The following SGCZ variants were observed in gnomAD, a reference collection of about 807,000 sequenced individuals.
SGCZ encodes zeta-sarcoglycan.
In SGCZ, 40 loss-of-function variants were observed where a neutral mutation model predicts 41.3. That is an observed-to-expected ratio of 0.97 (90% CI 0.75 to 1.26). SGCZ has a LOEUF of 1.26. Among genes scored for constraint, SGCZ ranks in the 50% most tolerant of loss-of-function variants. The pLI is 0.00. For missense variants in SGCZ, 552 were observed against 369.8 expected, an observed-to-expected ratio of 1.49 and a Z score of -4.04; for synonymous variants, 206 against 137.5, an observed-to-expected ratio of 1.50 and a Z score of -3.49.
chr8:15,034,998 T>C (rs533485845), intron 1 of SGCZ, among the ~76,000 whole-genome samples: 4 of 152,106 alleles, frequency 2.6e-5, no homozygotes, highest in African/African-American at 7.2e-5. Flanking sequence ...TAATTAGTAA[T>C]GAAAACACCT....
intron 1 of SGCZ, among the ~76,000 whole-genome samples, chr8:14,976,579 G>A (rs548187478): frequency 1.1e-4 from 17 of 152,168 alleles, no homozygotes; most frequent in African/African-American, 3.4e-4. Flanking sequence ...TAGCTGTGAA[G>A]TTTCTGACAA....
At chr8:14,445,143 T>C (rs533936520) in intron 2 of SGCZ, among the ~76,000 whole-genome samples, 5 of 152,306 alleles carry the variant, frequency 3.3e-5, no homozygotes, top group African/African-American at 1.2e-4. Flanking sequence ...AAGGTGATTA[T>C]ATTAATTGTG....
At chr8:14,527,461 C>A (rs142081229) in intron 2 of SGCZ, among the ~76,000 whole-genome samples, 1 of 152,216 alleles carries the variant, frequency 6.6e-6, no homozygotes, top group African/African-American at 2.4e-5. Context: ...CCACCACACC[C>A]TTGTTAATTT....
chr8:14,926,684 A>G (rs537705363), intron 1 of SGCZ, among the ~76,000 whole-genome samples: 3 of 151,776 alleles, frequency 2.0e-5, no homozygotes, highest in Non-Finnish European at 2.9e-5. Context: ...CTCTGTTGCC[A>G]GACTGGAGTG....
intron 1 of SGCZ, among the ~76,000 whole-genome samples, chr8:14,900,047 C>G (rs1013918317): frequency 1.1e-4 from 17 of 152,018 alleles, no homozygotes; most frequent in African/African-American, 3.4e-4. Flanking sequence ...CTCCAGTGTT[C>G]TGTGGAAGTT....
intron 2 of SGCZ, among the ~76,000 whole-genome samples, chr8:14,331,033 A>T (rs930330983): frequency 2.0e-5 from 3 of 151,940 alleles, no homozygotes; most frequent in Admixed American, 6.6e-5. Flanking sequence ...GAAGGTAGAT[A>T]CATGTGTTTT....
chr8:14,587,279 G>GA (rs954441358), intron 1 of SGCZ, among the ~76,000 whole-genome samples: 1 of 148,854 alleles, frequency 6.7e-6, no homozygotes, highest in Non-Finnish European at 1.5e-5. Flanking sequence ...TTAAAAAACT[G>GA]AAAAAAATGT....
At chr8:15,081,493 C>CTTTT (rs10659307) in intron 1 of SGCZ, among the ~76,000 whole-genome samples, 7 of 139,710 alleles carry the variant, frequency 5.0e-5, no homozygotes, top group African/African-American at 1.8e-4. Context: ...GATCCAATGG[C>CTTTT]TTTTTTTTTT....
chr8:14,381,463 T>C (rs753574386), intron 2 of SGCZ, among the ~76,000 whole-genome samples: 1 of 152,090 alleles, frequency 6.6e-6, no homozygotes, highest in African/African-American at 2.4e-5. Flanking sequence ...CCTCTAAGAA[T>C]ACTTCCAAAA....
At chr8:14,550,061 C>T (rs1347227040) in intron 2 of SGCZ, among the ~76,000 whole-genome samples, 1 of 151,982 alleles carries the variant, frequency 6.6e-6, no homozygotes, top group African/African-American at 2.4e-5. Flanking sequence ...AACTCTTGTA[C>T]TTGTGCAAAT....
At chr8:14,924,655 G>C (rs754791286) in intron 1 of SGCZ, among the ~76,000 whole-genome samples, 4 of 151,884 alleles carry the variant, frequency 2.6e-5, no homozygotes, top group Non-Finnish European at 5.9e-5. Flanking sequence ...CATTTATTTA[G>C]CATTTACTTT....
At chr8:14,917,248 G>C (rs544932056) in intron 1 of SGCZ, among the ~76,000 whole-genome samples, 2 of 152,118 alleles carry the variant, frequency 1.3e-5, no homozygotes, top group South Asian at 4.2e-4. Context: ...GTGTTCTATG[G>C]ACAATAATAA....
At chr8:14,355,202 T>C (rs188433510) in intron 2 of SGCZ, among the ~76,000 whole-genome samples, 4 of 152,194 alleles carry the variant, frequency 2.6e-5, no homozygotes, top group Non-Finnish European at 4.4e-5. Context: ...AAGCAGATGT[T>C]TCATTATAAC....
chr8:14,118,112 C>A (rs954511475), intron 5 of SGCZ, among the ~76,000 whole-genome samples: 1 of 151,976 alleles, frequency 6.6e-6, no homozygotes, highest in Admixed American at 6.6e-5. Flanking sequence ...AATGGGATTT[C>A]TAGGTCAAAT....
intron 1 of SGCZ, among the ~76,000 whole-genome samples, chr8:14,604,685 AC>A (rs1406818952): frequency 5.9e-5 from 9 of 152,200 alleles, no homozygotes; most frequent in Admixed American, 3.3e-4. Flanking sequence ...CCCATTATAA[AC>A]GCAGACTGCT....
At chr8:14,711,910 G>T (rs1017241913) in intron 1 of SGCZ, among the ~76,000 whole-genome samples, 1 of 152,098 alleles carries the variant, frequency 6.6e-6, no homozygotes, top group Non-Finnish European at 1.5e-5. Flanking sequence ...AGCCTCTCAG[G>T]TTCCTATGTA....
chr8:14,309,689 A>G, intron 3 of SGCZ: 1 of 1,609,990 alleles, frequency 6.2e-7, no homozygotes, highest in Non-Finnish European at 8.5e-7. Flanking sequence ...ACACCTTCTG[A>G]GTATTCTCAC....
chr8:15,102,654 G>A (rs192270049), intron 1 of SGCZ, among the ~76,000 whole-genome samples: 80 of 152,178 alleles, frequency 5.3e-4, no homozygotes, highest in African/African-American at 1.8e-3. Context: ...CTCAACTACT[G>A]CACACTTTTT....
intron 1 of SGCZ, among the ~76,000 whole-genome samples, chr8:14,653,017 A>T (rs915328611): frequency 6.6e-6 from 1 of 152,172 alleles, no homozygotes; most frequent in Admixed American, 6.6e-5. Context: ...AATATCATAA[A>T]TTATGAAAGA....
Sources: allele counts gnomAD v4.1 joint callset (sites outside exome capture counted in the v4.1 genomes callset), GRCh38; gene constraint gnomAD v4.1.1; transcripts MANE v1.5; gene names NCBI Gene and HGNC (gene_info 2026-07-23, HGNC 2026-07-21).